Variants in CRTC3 observed in about 807,000 individuals in gnomAD.
The protein encoded by CRTC3 is CREB-regulated transcription coactivator 3.
Under a neutral mutation model 74.5 loss-of-function variants are expected in CRTC3, and 26 were observed. The observed-to-expected ratio is 0.35, with a 90% CI of 0.26 to 0.48. The LOEUF is 0.48. CRTC3 is among the 20% of genes least tolerant of loss of function. The pLI, the probability that CRTC3 is intolerant of heterozygous loss-of-function variation, is 0.99. For missense variants in CRTC3, 760 were observed against 787.3 expected, an observed-to-expected ratio of 0.97 and a Z score of 0.41; for synonymous variants, 377 against 325.8, an observed-to-expected ratio of 1.16 and a Z score of -1.69.
chr15:90,582,843 T>TAATCTCTCCTGTG (rs1967574859), intron 2 of CRTC3, among the ~76,000 whole-genome samples: 2 of 151,812 alleles, frequency 1.3e-5, no homozygotes, highest in Non-Finnish European at 2.9e-5. Flanking sequence ...CTGGGGGAGG[T>TAATCTCTCCTGTG]CTCACTGCTT....
At chr15:90,588,456 T>A (rs1428020376) in intron 2 of CRTC3, among the ~76,000 whole-genome samples, 4 of 151,594 alleles carry the variant, frequency 2.6e-5, no homozygotes, top group African/African-American at 9.8e-5. Context: ...ATCTTCTCCA[T>A]CTGCAACTGA....
intron 2 of CRTC3, among the ~76,000 whole-genome samples, chr15:90,566,712 CTTT>C (rs71154114): frequency 1.6e-4 from 20 of 126,270 alleles, no homozygotes; most frequent in Admixed American, 4.0e-4. Context: ...TTCCTCCTTT[CTTT>C]TTTTTTTTTT....
chr15:90,547,476 A>G (rs1966846291), intron 2 of CRTC3, among the ~76,000 whole-genome samples: 1 of 152,206 alleles, frequency 6.6e-6, no homozygotes. Flanking sequence ...TTTCTATCCT[A>G]ATGGAGGATC....
chr15:90,625,696 A>G (rs1156462973), intron 9 of CRTC3, 80 bp from the exon 10 acceptor site: 1 of 1,287,894 alleles, frequency 7.8e-7, no homozygotes, highest in African/African-American at 1.5e-5. Context: ...TTATTTGACA[A>G]GGAAAAGGTT....
At chr15:90,579,634 C>CTTTTTTTTTTTTTT (rs146273285) in intron 2 of CRTC3, among the ~76,000 whole-genome samples, 4 of 84,198 alleles carry the variant, frequency 4.8e-5, no homozygotes, top group Non-Finnish European at 8.8e-5. Flanking sequence ...ACGTATTTCA[C>CTTTTTTTTTTTTTT]TTTTTTTTTT....
At chr15:90,625,697 G>C in intron 9 of CRTC3, 79 bp from the exon 10 acceptor site, 1 of 1,302,224 alleles carries the variant, frequency 7.7e-7, no homozygotes, top group Non-Finnish European at 1.1e-6. Context: ...TATTTGACAA[G>C]GAAAAGGTTT....
chr15:90,611,695 T>G (rs546136994), intron 6 of CRTC3, among the ~76,000 whole-genome samples: 1 of 152,214 alleles, frequency 6.6e-6, no homozygotes, highest in Non-Finnish European at 1.5e-5. Flanking sequence ...ATCCCAGCAG[T>G]ATGTCTCAAA....
chr15:90,613,073 G>A (rs1298761889), intron 6 of CRTC3, among the ~76,000 whole-genome samples: 2 of 148,696 alleles, frequency 1.3e-5, no homozygotes, highest in Non-Finnish European at 3.0e-5. Context: ...GGTGGCACGC[G>A]CCTGTAATCC....
intron 11 of CRTC3, among the ~76,000 whole-genome samples, chr15:90,630,162 G>C (rs1968985448): frequency 6.6e-6 from 1 of 152,172 alleles, no homozygotes; most frequent in South Asian, 2.1e-4. Flanking sequence ...TGCCATCCAG[G>C]TAAGTCTAAG....
Position 90,629,360 on chromosome 15 carries a change from G to T in CRTC3, c.1094G>T (p.Arg365Leu). ...PNASALHPSLRLFSLSNPSLS... is the reference protein window; with the variant it reads ...PNASALHPSLLLFSLSNPSLS... ...GCATCTGCTCTTCACCCTTCGCTCC[G>T]TCTGTTTTCCCTTAGCAACCCATCT... The change falls in exon 11 of 15, where the codon CGT (arginine) becomes CTT (leucine). Residue 365 changes from arginine to leucine, a missense_variant. Coordinates refer to ENST00000268184, the MANE Select transcript of CRTC3 (RefSeq NM_022769.5). 6.2e-7 allele frequency: 1 copy of T among 1,613,808 alleles called. No homozygotes were observed. Among genetic ancestry groups the T allele is most frequent in the Non-Finnish European group, 8.5e-7 (1 of 1,179,972 alleles).
At chr15:90,576,385 G>A (rs958948734) in intron 2 of CRTC3, among the ~76,000 whole-genome samples, 2 of 152,034 alleles carry the variant, frequency 1.3e-5, no homozygotes, top group Non-Finnish European at 2.9e-5. Context: ...GTCGAGTGGC[G>A]CCATTCCCAG....
chr15:90,559,716 C>G lies in CRTC3; in HGVS notation c.231+19579C>G, dbSNP rs564328783. On this transcript the variant is annotated intron_variant, in intron 2 of 14. Coordinates refer to ENST00000268184, the MANE Select transcript of CRTC3 (RefSeq NM_022769.5). ...CTTGGCTCACTGCAACCTCTGCTTC[C>G]CGGGCTCAAGTGATCCTCCCACCTC... Among the ~76,000 whole-genome samples, 8 of 152,306 alleles carry G rather than the reference C, an allele frequency of 5.3e-5. No individual in the cohort carries two copies. In the South Asian group the frequency reaches 1.7e-3, roughly 32 times the overall value.
At position 90,631,439 on chromosome 15, in the gene CRTC3, G is replaced by T. The variant is rs538602888; in HGVS notation, c.1266+1907G>T. On this transcript the variant is annotated intron_variant, in intron 11 of 14. Transcript: ENST00000268184. ...TTTTTAATTTTTTTGTAGAAACAGG[G>T]TCTCCCTGGGCTGGGTGTGTGCCTC... Among the ~76,000 whole-genome samples the T allele has an allele frequency of 2.4e-4, 37 of 152,138 alleles. 1 individual carries two copies. The highest frequency in any genetic ancestry group is 8.2e-4 in the African/African-American group (34 of 41,502).
chr15:90,618,220 A>AAAC, intron 8 of CRTC3: 1 of 258,980 alleles, frequency 3.9e-6, no homozygotes, highest in Non-Finnish European at 7.3e-6. Context: ...AAAAAAAAAA[A>AAAC]AACCCTGCTA....
intron 2 of CRTC3, among the ~76,000 whole-genome samples, chr15:90,569,968 A>T (rs965864143): frequency 6.6e-6 from 1 of 152,234 alleles, no homozygotes; most frequent in African/African-American, 2.4e-5. Flanking sequence ...AATTGATTTC[A>T]GTAAAATATG....
At chr15:90,542,855 T>C (rs138444085) in intron 2 of CRTC3, among the ~76,000 whole-genome samples, 2,102 of 152,268 alleles carry the variant, frequency 0.014, 48 homozygotes, top group African/African-American at 0.048. Context: ...AACCCCTCAA[T>C]TGGGGTCTGC....
At chr15:90,561,970 C>T (rs955428525) in intron 2 of CRTC3, among the ~76,000 whole-genome samples, 8 of 152,196 alleles carry the variant, frequency 5.3e-5, no homozygotes, top group African/African-American at 1.9e-4. Context: ...GTAATTATTT[C>T]CCTGCTCAAA....
At chr15:90,534,711 G>C (rs1172341889) in intron 1 of CRTC3, among the ~76,000 whole-genome samples, 1 of 152,218 alleles carries the variant, frequency 6.6e-6, no homozygotes, top group East Asian at 1.9e-4. Flanking sequence ...GGAGCTGAAT[G>C]GTGGCTGCCC....
At chr15:90,556,680 G>A (rs1966896543) in intron 2 of CRTC3, among the ~76,000 whole-genome samples, 1 of 151,970 alleles carries the variant, frequency 6.6e-6, no homozygotes, top group Admixed American at 6.6e-5. Flanking sequence ...GTTTGAAAAT[G>A]GACAGCTTTT....
Sources: allele counts gnomAD v4.1 joint callset (sites outside exome capture counted in the v4.1 genomes callset), GRCh38; gene constraint gnomAD v4.1.1; transcripts MANE v1.5; gene names NCBI Gene and HGNC (gene_info 2026-07-23, HGNC 2026-07-21).